Variants in STK32B observed in about 807,000 individuals in gnomAD.
The protein encoded by STK32B is serine/threonine-protein kinase 32B.
STK32B carries 43 observed loss-of-function variants against 52.6 expected under a neutral mutation model. The ratio of observed to expected loss-of-function variants is 0.82; its 90% CI spans 0.64 to 1.05. The LOEUF (loss-of-function observed/expected upper bound fraction) is 1.05, where lower values mean the gene tolerates loss of function less well. Ranked by LOEUF, STK32B falls within the 50% of genes least tolerant of loss-of-function variation. The probability of loss-of-function intolerance (pLI) is 0.00; values close to 1 mark genes in which losing one functional copy is unlikely to be tolerated. For synonymous variants in STK32B, 238 were observed against 204.3 expected (o/e 1.17, Z -1.41); for missense variants, 621 against 534.6 (o/e 1.16, Z -1.59).
At chr4:5,301,063 CT>C (rs1431247676) in intron 3 of STK32B, among the ~76,000 whole-genome samples, 1 of 151,874 alleles carries the variant, frequency 6.6e-6, no homozygotes, top group African/African-American at 2.4e-5. Flanking sequence ...ATCTTTTATT[CT>C]ATTAATATTA....
At chr4:5,094,445 G>C (rs1713267833) in intron 1 of STK32B, among the ~76,000 whole-genome samples, 1 of 152,136 alleles carries the variant, frequency 6.6e-6, no homozygotes. Context: ...TTGAGCCCAG[G>C]AGTTCAAGTT....
At chr4:5,315,440 T>C (rs1358776183) in intron 3 of STK32B, among the ~76,000 whole-genome samples, 2 of 151,878 alleles carry the variant, frequency 1.3e-5, no homozygotes, top group Non-Finnish European at 2.9e-5. Context: ...TTACTGAGTA[T>C]TTATATGTCA....
At chr4:5,422,111 G>C (rs1212640087) in intron 6 of STK32B, among the ~76,000 whole-genome samples, 1 of 152,210 alleles carries the variant, frequency 6.6e-6, no homozygotes, top group Non-Finnish European at 1.5e-5. Context: ...CTTCAGGCCT[G>C]ACTTAATGGC....
intron 3 of STK32B, among the ~76,000 whole-genome samples, chr4:5,284,746 C>T (rs1728438334): frequency 6.6e-6 from 1 of 152,120 alleles, no homozygotes; most frequent in Non-Finnish European, 1.5e-5. Context: ...TCATATGATA[C>T]TAATCATCTC....
chr4:5,078,664 G>T (rs530699296), intron 1 of STK32B, among the ~76,000 whole-genome samples: 30 of 152,260 alleles, frequency 2.0e-4, no homozygotes, highest in Admixed American at 1.8e-3. Context: ...GATTCAGAGA[G>T]AATTTTGGGG....
chr4:5,083,510 G>C (rs188894857), intron 1 of STK32B, among the ~76,000 whole-genome samples: 2 of 152,292 alleles, frequency 1.3e-5, no homozygotes, highest in East Asian at 3.9e-4. Flanking sequence ...GGTTAAATCA[G>C]ATGGACTTCA....
At chr4:5,496,234 G>T (rs1266582793) in intron 11 of STK32B, among the ~76,000 whole-genome samples, 3 of 152,250 alleles carry the variant, frequency 2.0e-5, no homozygotes, top group African/African-American at 7.2e-5. Context: ...GCTCCATCCA[G>T]TTCCAGCTTC....
At chr4:5,127,750 T>C (rs1214553972) in intron 1 of STK32B, among the ~76,000 whole-genome samples, 3 of 152,210 alleles carry the variant, frequency 2.0e-5, no homozygotes, top group African/African-American at 7.2e-5. Flanking sequence ...TGATATGGTT[T>C]GGCTGTGTTC....
intron 1 of STK32B, among the ~76,000 whole-genome samples, chr4:5,090,298 T>A (rs1485579934): frequency 6.6e-6 from 1 of 152,032 alleles, no homozygotes; most frequent in Non-Finnish European, 1.5e-5. Flanking sequence ...GACTGTGTCC[T>A]GAATAGTATT....
intron 2 of STK32B, among the ~76,000 whole-genome samples, chr4:5,158,507 T>A (rs1213984664): frequency 1.3e-5 from 2 of 152,144 alleles, no homozygotes; most frequent in Non-Finnish European, 2.9e-5. Flanking sequence ...CCTTATTCAT[T>A]CGTTCGTAAT....
rs1258267790 is a variant in STK32B, at chr4:5,399,841, C to T, written c.472+1597C>T. 1.3e-5 allele frequency among the ~76,000 whole-genome samples: 2 copies of T among 152,134 alleles called. No homozygotes were observed. Among genetic ancestry groups the T allele is most frequent in the South Asian group, 4.2e-4 (2 of 4,810 alleles). ...CGCTCGGGAAGGGGTAGATAACTCGCCCTCTTCCTGTCCCCTTTCTCTGCT... is the reference window on the plus strand; with the variant it reads ...CGCTCGGGAAGGGGTAGATAACTCGTCCTCTTCCTGTCCCCTTTCTCTGCT... On this transcript the variant is annotated intron_variant, in intron 5 of 11. Transcript: ENST00000282908. The surrounding 1 kb of genome is among the most constrained non-coding windows in gnomAD (Gnocchi z 5.4).
intron 3 of STK32B, among the ~76,000 whole-genome samples, chr4:5,186,636 C>T (rs1346070734): frequency 1.3e-5 from 2 of 152,172 alleles, no homozygotes; most frequent in Non-Finnish European, 2.9e-5. Context: ...TATCCTGGTC[C>T]ATCCCCAACA....
At chr4:5,488,871 A>T (rs998289508) in intron 11 of STK32B, among the ~76,000 whole-genome samples, 2 of 151,696 alleles carry the variant, frequency 1.3e-5, no homozygotes, top group East Asian at 1.9e-4. Context: ...TAGCCTCTGA[A>T]TTAGACAAAA....
In STK32B at chr4:5,399,507, C is replaced by T. The variant is rs1737152496; in HGVS notation, c.472+1263C>T. ...GCTTTGGGGGCAGTAGGATTGAACT[C>T]ACTGTGCTCCTGAATGGAAGGTCAG... is the stretch of plus-strand genomic sequence containing the variant. On this transcript the variant is annotated intron_variant, in intron 5 of 11. Transcript: ENST00000282908. This position sits in a 1 kb window ranked among gnomAD's most constrained non-coding sequence, Gnocchi z 5.4. Among the ~76,000 whole-genome samples the T allele has an allele frequency of 6.6e-6, 1 of 152,150 alleles. No individual in the cohort carries two copies. The highest frequency in any genetic ancestry group is 2.4e-5 in the African/African-American group (1 of 41,436).
rs1735748987 is a variant in STK32B at position 5,378,883 on chromosome 4, C to T, written c.435-19324C>T. Among the ~76,000 whole-genome samples, 2 of 152,070 alleles carry T rather than the reference C, an allele frequency of 1.3e-5. No homozygotes were observed. The highest frequency in any genetic ancestry group is 2.9e-5 in the Non-Finnish European group (2 of 68,022). ...TGGCACGCTGCTGCCATCCTTGCAGCATTAAAGGCGTCATCTGCAAAAGGG... is the reference window on the plus strand; with the variant it reads ...TGGCACGCTGCTGCCATCCTTGCAGTATTAAAGGCGTCATCTGCAAAAGGG... On this transcript the variant is annotated intron_variant, in intron 4 of 11. Transcript: ENST00000282908. This position sits in a 1 kb window ranked among gnomAD's most constrained non-coding sequence, Gnocchi z 4.4.
chr4:5,313,454 A>C (rs1276235463), intron 3 of STK32B, among the ~76,000 whole-genome samples: 1 of 149,678 alleles, frequency 6.7e-6, no homozygotes, highest in African/African-American at 2.5e-5. Context: ...GGCACAAGGT[A>C]AGGATTTTTG....
chr4:5,331,405 G>T lies in STK32B; in HGVS notation c.434+12G>T. 4 of 1,601,378 alleles carry T rather than the reference G, an allele frequency of 2.5e-6. No individual in the cohort carries two copies. The highest frequency in any genetic ancestry group is 3.4e-6 in the Non-Finnish European group (4 of 1,172,402). On this transcript the variant is annotated intron_variant, in intron 4 of 11. Coordinates refer to ENST00000282908, the MANE Select transcript of STK32B (RefSeq NM_018401.3). ...CACATCATCCACAGGTAACTGGGCT[G>T]CTGGCGGGATGCCTGGGACAGAGGG...
At chr4:5,149,422 A>C (rs932747471) in intron 2 of STK32B, among the ~76,000 whole-genome samples, 6 of 151,496 alleles carry the variant, frequency 4.0e-5, no homozygotes, top group African/African-American at 1.5e-4. Context: ...TCTTTCCTGT[A>C]GTGCTGTGGA....
At chr4:5,364,208 CAGCA>C (rs978094652) in intron 4 of STK32B, among the ~76,000 whole-genome samples, 4 of 152,214 alleles carry the variant, frequency 2.6e-5, no homozygotes, top group African/African-American at 9.6e-5. Context: ...TGCCAGGGTA[CAGCA>C]TCTTGTCATA....
Sources: gnomAD v4.1 joint callset for allele counts (sites outside exome capture counted in the v4.1 genomes callset) on GRCh38, gnomAD v4.1.1 for gene constraint, Gnocchi (gnomAD v3.1) non-coding constraint, MANE v1.5 for transcripts, NCBI Gene and HGNC (gene_info 2026-07-23, HGNC 2026-07-21) for gene names.